PUS7: variants seen among roughly 807,000 people sequenced by gnomAD.
PUS7 encodes the protein pseudouridylate synthase 7 homolog.
In PUS7, 48 loss-of-function variants were observed where a neutral mutation model predicts 79.8. That is an observed-to-expected ratio of 0.60 (90% CI 0.48 to 0.76). PUS7 has a LOEUF of 0.76. PUS7 is among the 30% of genes least tolerant of loss of function. The pLI is 0.00. For missense variants in PUS7, 729 were observed against 797.6 expected (o/e 0.91, Z 1.04); for synonymous variants, 286 against 272.2 (o/e 1.05, Z -0.50).
intron 11 of PUS7, among the ~76,000 whole-genome samples, chr7:105,469,456 A>T (rs1018226563): frequency 1.7e-4 from 25 of 151,380 alleles, no homozygotes; most frequent in African/African-American, 6.1e-4. Context: ...ATGTCCAGAT[A>T]ATCGTTTTAT....
At chr7:105,471,582 TG>T (rs1823874248) in intron 10 of PUS7, among the ~76,000 whole-genome samples, 1 of 152,074 alleles carries the variant, frequency 6.6e-6, no homozygotes, top group African/African-American at 2.4e-5. Flanking sequence ...GAGGCTGAGG[TG>T]GGCGGATCAC....
At chr7:105,513,416 G>C (rs932260365) in intron 1 of PUS7, among the ~76,000 whole-genome samples, 2 of 152,218 alleles carry the variant, frequency 1.3e-5, no homozygotes, top group East Asian at 3.8e-4. Flanking sequence ...CATTTACTAA[G>C]TGGGTGACTT....
In PUS7 at chr7:105,482,329, G is replaced by C; in HGVS notation, c.1032C>G (p.His344Gln). The stretch of plus-strand genomic sequence containing the variant: ...TTCTTTACCTGAGAACAACAGTGAA[G>C]TGGTTTCCTTGAAGCTCTCCCAATT... Reference protein sequence around the residue: ...PLKLGELQGNHFTVVLRNITG... With the variant: ...PLKLGELQGNQFTVVLRNITG... Residue 344 changes from histidine to glutamine, a missense_variant, in exon 8 of 16, where the codon CAC becomes CAG. Transcript: ENST00000469408. 6.2e-7 allele frequency: 1 copy of C among 1,613,576 alleles called. No homozygotes were observed.
chr7:105,467,248 T>C (rs4730088), intron 12 of PUS7, among the ~76,000 whole-genome samples: 149,974 of 150,992 alleles, frequency 0.99, 74,494 homozygotes, highest in Middle Eastern at 1. Flanking sequence ...ATTTTGGGCA[T>C]AGCATATACT....
At chr7:105,512,870 C>T (rs1032036454) in intron 1 of PUS7, among the ~76,000 whole-genome samples, 1 of 152,120 alleles carries the variant, frequency 6.6e-6, no homozygotes, top group African/African-American at 2.4e-5. Context: ...GCAAGGGAGA[C>T]AGAAAAAGGC....
intron 1 of PUS7, among the ~76,000 whole-genome samples, chr7:105,518,500 C>G (rs763948232): frequency 2.1e-4 from 32 of 150,984 alleles, no homozygotes; most frequent in Non-Finnish European, 4.6e-4. Context: ...CCTCCCAGCT[C>G]AAGCGATCCT....
Position 105,481,100 on chromosome 7 carries a change from C to G in PUS7, c.1127G>C (p.Gly376Ala). Reference sequence around the variant, plus strand: ...AGCTGTGGTTCCAAATCTTTGCATTCCATAGTAGTTAATAAATCCAATCTC... The same window carrying G: ...AGCTGTGGTTCCAAATCTTTGCATTGCATAGTAGTTAATAAATCCAATCTC... ...LKEIGFINYY[G>A]MQRFGTTAVP... The change falls in exon 9 of 16, where the codon GGA becomes GCA. Residue 376 changes from glycine to alanine, a missense_variant. Gly to Ala is a moderately conservative substitution (Grantham distance 60). Coordinates refer to ENST00000469408, the MANE Select transcript of PUS7 (RefSeq NM_019042.5). The G allele has an allele frequency of 6.2e-7, 1 of 1,613,018 alleles. No individual in the cohort carries two copies. Among genetic ancestry groups the G allele is most frequent in the Non-Finnish European group, 8.5e-7 (1 of 1,179,292 alleles).
At chr7:105,506,415 T>C in intron 2 of PUS7, 142 bp from the exon 3 acceptor site, 2 of 604,572 alleles carry the variant, frequency 3.3e-6, no homozygotes, top group Non-Finnish European at 5.7e-6. Flanking sequence ...CACATGGAGT[T>C]AATTTTTTTT....
chr7:105,502,301 A>G, intron 5 of PUS7, 119 bp downstream of exon 5: 1 of 1,249,886 alleles, frequency 8.0e-7, no homozygotes, highest in Non-Finnish European at 1.1e-6. Flanking sequence ...GGACATGATC[A>G]ATATTGTTCT....
intron 9 of PUS7, 137 bp downstream of exon 9, chr7:105,480,915 T>G: frequency 9.1e-7 from 1 of 1,095,484 alleles, no homozygotes; most frequent in South Asian, 1.8e-5. Context: ...CTCATTAACT[T>G]AAAACAAAAA....
At chr7:105,461,913 C>A (rs1398548056) in intron 14 of PUS7, among the ~76,000 whole-genome samples, 1 of 152,110 alleles carries the variant, frequency 6.6e-6, no homozygotes, top group African/African-American at 2.4e-5. Flanking sequence ...TGTGGTGGCT[C>A]ATGCCCGTAA....
chr7:105,502,089 T>C (rs1467240925), intron 5 of PUS7, among the ~76,000 whole-genome samples: 2 of 151,816 alleles, frequency 1.3e-5, no homozygotes, highest in African/African-American at 4.8e-5. Flanking sequence ...GAATGAGCAA[T>C]AATCCTTCTA....
At chr7:105,476,687 G>C (rs1039207170) in intron 9 of PUS7, among the ~76,000 whole-genome samples, 1 of 152,090 alleles carries the variant, frequency 6.6e-6, no homozygotes, top group African/African-American at 2.4e-5. Context: ...TCACCATACT[G>C]TTCTCCACAA....
chr7:105,466,162 GA>G (rs10569634), intron 12 of PUS7, among the ~76,000 whole-genome samples: 13,514 of 147,718 alleles, frequency 0.091, 1,257 homozygotes, highest in African/African-American at 0.24. Context: ...TGTCTCAAAG[GA>G]AAAAAAAAAA....
At chr7:105,467,599 C>G (rs1307384814) in intron 12 of PUS7, among the ~76,000 whole-genome samples, 1 of 151,620 alleles carries the variant, frequency 6.6e-6, no homozygotes, top group African/African-American at 2.4e-5. Context: ...CTTGAAGAAA[C>G]TCTTTAAGGT....
chr7:105,470,620 T>C (rs1314480603), intron 11 of PUS7, 68 bp downstream of exon 11: 7 of 1,454,404 alleles, frequency 4.8e-6, no homozygotes, highest in Non-Finnish European at 6.5e-6. Context: ...AGTAAAATCT[T>C]TCAAGATGAA....
At chr7:105,461,770 G>A (rs1213778895) in intron 14 of PUS7, among the ~76,000 whole-genome samples, 1 of 152,132 alleles carries the variant, frequency 6.6e-6, no homozygotes, top group African/African-American at 2.4e-5. Flanking sequence ...TACACGCCTT[G>A]GTTACAGACT....
intron 10 of PUS7, among the ~76,000 whole-genome samples, chr7:105,471,214 C>T (rs818478): frequency 0.22 from 32,978 of 152,062 alleles, 4,874 homozygotes; most frequent in African/African-American, 0.42. Context: ...TTTTTATAGT[C>T]TGCAAATGAA....
chr7:105,495,216 A>G lies in PUS7; in HGVS notation c.768T>C (p.Ser256=), dbSNP rs753468527. 1.9e-5 allele frequency: 31 copies of G among 1,612,642 alleles called. No homozygotes were observed. The highest frequency in any genetic ancestry group is 2.5e-5 in the Non-Finnish European group (30 of 1,179,214). The change falls in exon 6 of 16, where the codon AGT becomes AGC. Residue 256 remains serine, a synonymous_variant. Transcript: ENST00000469408. ...CCTTATATAGTACGAAGTGGCAGTA[A>G]CTTCCCCTAGATTTTGGCCAAGAAT... ...RKHSWPKSRG[S]YCHFVLYKEN...
Sources: allele counts gnomAD v4.1 joint callset (sites outside exome capture counted in the v4.1 genomes callset), GRCh38; gene constraint gnomAD v4.1.1; transcripts MANE v1.5; gene names NCBI Gene and HGNC (gene_info 2026-07-23, HGNC 2026-07-21).